Variants in ADAMTS5 observed in about 807,000 individuals in gnomAD.
ADAMTS5 encodes the protein ADAM metallopeptidase with thrombospondin type 1 motif 5.
In ADAMTS5, 54 loss-of-function variants were observed where a neutral mutation model predicts 81.4. The ratio of observed to expected loss-of-function variants is 0.66; its 90% CI spans 0.53 to 0.83. The LOEUF (loss-of-function observed/expected upper bound fraction) is 0.83, where lower values mean the gene tolerates loss of function less well. Ranked by LOEUF, ADAMTS5 falls within the 40% of genes least tolerant of loss-of-function variation. The pLI, the probability that ADAMTS5 is intolerant of heterozygous loss-of-function variation, is 0.00. For synonymous variants in ADAMTS5, 532 were observed against 508.8 expected, an observed-to-expected ratio of 1.05 and a Z score of -0.61; for missense variants, 1,194 against 1,229.9, an observed-to-expected ratio of 0.97 and a Z score of 0.44.
intron 5 of ADAMTS5, among the ~76,000 whole-genome samples, 155 bp downstream of exon 5, chr21:26,932,706 A>C (rs74976806): frequency 6.6e-6 from 1 of 151,258 alleles, no homozygotes; most frequent in African/African-American, 2.4e-5. Context: ...ATCTCAAAAA[A>C]AAACAAACAC....
At chr21:26,961,630 T>C (rs957062678) in intron 1 of ADAMTS5, among the ~76,000 whole-genome samples, 3 of 152,216 alleles carry the variant, frequency 2.0e-5, no homozygotes, top group African/African-American at 7.2e-5. Flanking sequence ...AGATTTTAGA[T>C]TTTTCATAAT....
chr21:26,929,172 C>T (rs747688238), intron 7 of ADAMTS5, among the ~76,000 whole-genome samples: 4 of 152,092 alleles, frequency 2.6e-5, no homozygotes, highest in Non-Finnish European at 4.4e-5. Flanking sequence ...CAACACAGCA[C>T]GTACATCAAG....
intron 1 of ADAMTS5, among the ~76,000 whole-genome samples, chr21:26,964,181 T>G (rs1310679606): frequency 6.6e-6 from 1 of 152,218 alleles, no homozygotes; most frequent in Admixed American, 6.5e-5. Context: ...GAATGAGCTT[T>G]AGAAGTCAAT....
chr21:26,932,870 G>A lies in ADAMTS5; in HGVS notation c.1864C>T (p.Pro622Ser), dbSNP rs1986938562. Residue 622 changes from proline to serine, a missense_variant, in exon 5 of 8, where the codon CCA (proline) becomes TCA (serine). Pro to Ser is a moderately conservative substitution (Grantham distance 74). Coordinates refer to ENST00000284987, the MANE Select transcript of ADAMTS5 (RefSeq NM_007038.5). ...IYRSCSLMPC[P>S]PNGKSFRHEQ... is the part of the protein sequence containing the mutation. Reference sequence around the variant, plus strand: ...CTTGGGAGCAGCGTACCATTGGGTGGGCAGGGCATGAGACTGCAGGAGCGG... The same window carrying A: ...CTTGGGAGCAGCGTACCATTGGGTGAGCAGGGCATGAGACTGCAGGAGCGG... 1 of 1,608,358 alleles carries A rather than the reference G, an allele frequency of 6.2e-7. No homozygotes were observed. Among genetic ancestry groups the A allele is most frequent in the Non-Finnish European group, 8.5e-7 (1 of 1,178,078 alleles).
chr21:26,932,747 T>C, intron 5 of ADAMTS5, 114 bp downstream of exon 5: 1 of 1,171,504 alleles, frequency 8.5e-7, no homozygotes, highest in Non-Finnish European at 1.2e-6. Context: ...TGCATATTGG[T>C]GGAACTGTGC....
At position 26,934,611 on chromosome 21, in the gene ADAMTS5, G is replaced by A; in HGVS notation, c.1544C>T (p.Ala515Val). 1.2e-6 allele frequency: 2 copies of A among 1,614,190 alleles called. No homozygotes were observed. The highest frequency in any genetic ancestry group is 1.1e-5 in the South Asian group (1 of 91,078). ...GCGTACCACAGCACACCACAGGCGA[G>A]CACAGACATCCATGCCGGGACACAC... ...YSVCPGMDVC[A>V]RLWCAVVRQG... The change falls in exon 4 of 8, where the codon GCT (alanine) becomes GTT (valine). Residue 515 changes from alanine (A) to valine (V), a missense_variant. Physicochemically the swap from Ala to Val is moderately conservative, Grantham distance 64. Coordinates refer to ENST00000284987, the MANE Select transcript of ADAMTS5 (RefSeq NM_007038.5).
intron 1 of ADAMTS5, among the ~76,000 whole-genome samples, chr21:26,961,411 T>C (rs1987528011): frequency 6.6e-6 from 1 of 152,246 alleles, no homozygotes; most frequent in Admixed American, 6.5e-5. Flanking sequence ...AATTAACTGT[T>C]ACCTTCCTTT....
chr21:26,960,934 G>A (rs1987518615), intron 1 of ADAMTS5, among the ~76,000 whole-genome samples: 1 of 152,112 alleles, frequency 6.6e-6, no homozygotes, highest in African/African-American at 2.4e-5. Context: ...ATCTTCTAAT[G>A]CACTTCCATA....
intron 2 of ADAMTS5, among the ~76,000 whole-genome samples, chr21:26,953,096 A>G (rs978601590): frequency 5.3e-5 from 8 of 152,222 alleles, no homozygotes; most frequent in African/African-American, 1.7e-4. Flanking sequence ...CCTAAATGGC[A>G]TGTGTTATAA....
At chr21:26,928,717 CTCTT>C (rs1007231157) in intron 7 of ADAMTS5, among the ~76,000 whole-genome samples, 4 of 142,662 alleles carry the variant, frequency 2.8e-5, no homozygotes, top group Admixed American at 1.4e-4. Context: ...CTTTCTTTCT[CTCTT>C]TCTTCTATCT....
chr21:26,931,775 C>T (rs550979760), intron 6 of ADAMTS5, among the ~76,000 whole-genome samples: 3 of 152,234 alleles, frequency 2.0e-5, no homozygotes, highest in East Asian at 1.9e-4. Flanking sequence ...GTGAGTTACA[C>T]CTTTTAAATA....
At chr21:26,959,894 A>G (rs1277717030) in intron 1 of ADAMTS5, among the ~76,000 whole-genome samples, 1 of 152,060 alleles carries the variant, frequency 6.6e-6, no homozygotes, top group Non-Finnish European at 1.5e-5. Flanking sequence ...TTCCTTATCT[A>G]TATGCTCAAG....
intron 3 of ADAMTS5, among the ~76,000 whole-genome samples, chr21:26,935,306 G>A (rs907539854): frequency 1.1e-4 from 16 of 151,882 alleles, no homozygotes; most frequent in Non-Finnish European, 2.4e-4. Flanking sequence ...ACAGTCACTC[G>A]ACAAGCATTT....
Position 26,954,986 on chromosome 21 carries a change from G to C in ADAMTS5, c.1105-115C>G, listed in dbSNP as rs1987396518. 6.9e-6 allele frequency: 9 copies of C among 1,299,598 alleles called. No homozygotes were observed. The South Asian group carries it at 1.0e-4, about 15-fold the overall frequency. 80.5% of individuals were successfully genotyped at this position (1,299,598 alleles called of 1,614,324 possible). On this transcript the variant is annotated intron_variant, in intron 1 of 7. Transcript: ENST00000284987. ...CAGGGATATGTTTATGGTATCACCT[G>C]TTCCTCTCTGGAAACGTTCCAAAGG...
rs1986771885 is a variant in ADAMTS5 at position 26,924,578 on chromosome 21, G to A, written c.2268C>T (p.Thr756=). The A allele has an allele frequency of 6.2e-7, 1 of 1,613,946 alleles. No individual in the cohort carries two copies. Among genetic ancestry groups the A allele is most frequent in the East Asian group, 2.2e-5 (1 of 44,864 alleles). Residue 756 remains threonine, a synonymous_variant, in exon 8 of 8, where the codon ACC becomes ACT. Coordinates refer to ENST00000284987, the MANE Select transcript of ADAMTS5 (RefSeq NM_007038.5). The part of the protein sequence containing the change: ...TDVVRIPEGA[T]HIKVRQFKAK... ...CTTTGAACTGTCGAACTTTTATGTGGGTTGCCCCTTCAGGAATCCTCACCA... is the reference window on the plus strand; with the variant it reads ...CTTTGAACTGTCGAACTTTTATGTGAGTTGCCCCTTCAGGAATCCTCACCA...
chr21:26,943,888 C>T (rs906118402), intron 2 of ADAMTS5, among the ~76,000 whole-genome samples: 34 of 152,172 alleles, frequency 2.2e-4, no homozygotes, highest in Non-Finnish European at 1.3e-4. Context: ...GCCCTCACCA[C>T]GTATCATTTT....
intron 3 of ADAMTS5, among the ~76,000 whole-genome samples, chr21:26,937,150 CTG>C (rs763356625): frequency 1.3e-5 from 2 of 152,166 alleles, no homozygotes; most frequent in African/African-American, 2.4e-5. Context: ...TACACAGTCA[CTG>C]ACACCTGTTC....
In ADAMTS5 at chr21:26,923,659, T is replaced by C. The variant is rs1044501733; in HGVS notation, c.*394A>G. ...TATAAAGTGACATACCAAGGGAGAA[T>C]GTATTTACAAACAGTAAGAAGAAGC... is the stretch of plus-strand genomic sequence containing the variant. On this transcript the variant is annotated 3_prime_UTR_variant, in exon 8 of 8. Transcript: ENST00000284987. 3.6e-5 allele frequency: 6 copies of C among 164,898 alleles called. No homozygotes were observed. Among genetic ancestry groups the C allele is most frequent in the Non-Finnish European group, 8.0e-5 (6 of 75,060 alleles). The allele number at this position is 164,898 out of a possible 1,614,324, so 10.2% of individuals were successfully genotyped here. A position where few individuals can be genotyped will look rare whatever the true frequency, so the allele number is the denominator to read the frequency against.
intron 3 of ADAMTS5, 58 bp from the exon 4 acceptor site, chr21:26,934,807 T>G: frequency 1.3e-6 from 2 of 1,584,604 alleles, no homozygotes; most frequent in Non-Finnish European, 1.7e-6. Context: ...ACCGCTAAAA[T>G]CATGGATCTA....
Sources: allele counts gnomAD v4.1 joint callset (sites outside exome capture counted in the v4.1 genomes callset), GRCh38; gene constraint gnomAD v4.1.1; transcripts MANE v1.5; gene names NCBI Gene and HGNC (gene_info 2026-07-23, HGNC 2026-07-21).